The following ASTN2 variants were observed in gnomAD, a reference collection of about 807,000 sequenced individuals.
ASTN2 encodes the protein astrotactin 2.
Under a neutral mutation model 139.8 loss-of-function variants are expected in ASTN2, and 54 were observed. The ratio of observed to expected loss-of-function variants is 0.39; its 90% CI spans 0.31 to 0.48. The LOEUF is 0.48. Among genes scored for constraint, ASTN2 ranks in the 20% least tolerant of loss-of-function variants. ASTN2 has a pLI of 0.95. For missense variants in ASTN2, 1,565 were observed against 1,725.1 expected, an observed-to-expected ratio of 0.91 and a Z score of 1.64; for synonymous variants, 756 against 719.5, an observed-to-expected ratio of 1.05 and a Z score of -0.81.
chr9:117,265,460 C>G (rs1003276750), intron 2 of ASTN2, among the ~76,000 whole-genome samples: 2 of 152,164 alleles, frequency 1.3e-5, no homozygotes, highest in Non-Finnish European at 2.9e-5. Context: ...GGGTACCGAG[C>G]TGCCAAAGAA....
chr9:116,741,899 C>T (rs1189801336), intron 13 of ASTN2, among the ~76,000 whole-genome samples: 3 of 152,168 alleles, frequency 2.0e-5, no homozygotes, highest in Non-Finnish European at 4.4e-5. Context: ...GTCAAGCACT[C>T]AATATTTAGT....
At chr9:116,499,553 C>A (rs1411606491) in intron 19 of ASTN2, among the ~76,000 whole-genome samples, 1 of 152,138 alleles carries the variant, frequency 6.6e-6, no homozygotes, top group African/African-American at 2.4e-5. Context: ...CCTGTAATTA[C>A]ATATGTAGTT....
intron 12 of ASTN2, among the ~76,000 whole-genome samples, chr9:116,819,579 A>T (rs2416574): frequency 0.73 from 110,483 of 152,020 alleles, 40,319 homozygotes; most frequent in Middle Eastern, 0.86. Context: ...AATTAAACCC[A>T]TGCCCACACT....
chr9:117,257,396 C>T (rs1305962032), intron 2 of ASTN2, among the ~76,000 whole-genome samples: 1 of 152,150 alleles, frequency 6.6e-6, no homozygotes, highest in African/African-American at 2.4e-5. Flanking sequence ...ACTGTGAACA[C>T]AGATTTTAGG....
At chr9:116,804,220 T>C (rs1830972292) in intron 13 of ASTN2, among the ~76,000 whole-genome samples, 1 of 152,126 alleles carries the variant, frequency 6.6e-6, no homozygotes, top group African/African-American at 2.4e-5. Context: ...TATGCTGAAT[T>C]GAAATACAAG....
intron 1 of ASTN2, among the ~76,000 whole-genome samples, chr9:117,318,024 A>T (rs1054811075): frequency 1.3e-5 from 2 of 152,224 alleles, no homozygotes; most frequent in Non-Finnish European, 2.9e-5. Flanking sequence ...TTTGGAGCTC[A>T]TCCTTCTTTC....
chr9:117,391,248 G>C (rs1564180746), intron 1 of ASTN2, among the ~76,000 whole-genome samples: 1 of 152,104 alleles, frequency 6.6e-6, no homozygotes, highest in African/African-American at 2.4e-5. Context: ...AAGCACAATG[G>C]GAAGTCATCA....
intron 6 of ASTN2, among the ~76,000 whole-genome samples, chr9:117,020,002 CTGTGTGTGTGTGTGTGTG>C (rs57575432): frequency 7.1e-5 from 10 of 140,816 alleles, no homozygotes; most frequent in African/African-American, 2.4e-4. Flanking sequence ...TTCAGGGTTT[CTGTGTGTGTGTGTGTGTG>C]TGTGTGTGTG....
At chr9:116,783,493 G>A (rs1035879030) in intron 13 of ASTN2, among the ~76,000 whole-genome samples, 1 of 152,096 alleles carries the variant, frequency 6.6e-6, no homozygotes, top group African/African-American at 2.4e-5. Flanking sequence ...GAAACAATTA[G>A]CATGTAGTGA....
intron 10 of ASTN2, among the ~76,000 whole-genome samples, chr9:116,953,650 A>G (rs1228153331): frequency 6.6e-6 from 1 of 152,124 alleles, no homozygotes; most frequent in East Asian, 1.9e-4. Context: ...TTGTTTTTTT[A>G]ACAACAACAA....
chr9:116,750,126 T>C (rs1005235146), intron 13 of ASTN2, among the ~76,000 whole-genome samples: 1 of 152,144 alleles, frequency 6.6e-6, no homozygotes, highest in African/African-American at 2.4e-5. Context: ...CGAAAATGTT[T>C]GTAGATGAGC....
At chr9:116,504,358 G>GGAC (rs1487307673) in intron 19 of ASTN2, 1 of 152,078 alleles carries the variant, frequency 6.6e-6, no homozygotes, top group Non-Finnish European at 1.5e-5. Flanking sequence ...AGGGCAAAGA[G>GGAC]GACGGTAAGG....
chr9:117,239,327 C>T (rs1238296773), intron 2 of ASTN2, among the ~76,000 whole-genome samples: 5 of 152,142 alleles, frequency 3.3e-5, no homozygotes, highest in African/African-American at 1.2e-4. Flanking sequence ...CAGAGGATTA[C>T]AAGTTGGGGA....
intron 4 of ASTN2, among the ~76,000 whole-genome samples, chr9:117,134,613 T>A (rs1829908461): frequency 6.6e-6 from 1 of 152,072 alleles, no homozygotes. Context: ...TATTTGCATA[T>A]TTTCTTTATT....
intron 16 of ASTN2, among the ~76,000 whole-genome samples, chr9:116,718,170 G>A (rs994393235): frequency 7.2e-5 from 11 of 152,168 alleles, no homozygotes; most frequent in African/African-American, 2.7e-4. Context: ...GGTTTTCTGA[G>A]AAAGTGACAT....
chr9:117,171,672 C>G (rs542873125), intron 3 of ASTN2, among the ~76,000 whole-genome samples: 3 of 152,106 alleles, frequency 2.0e-5, no homozygotes, highest in African/African-American at 7.2e-5. Flanking sequence ...GGGCTCTTCC[C>G]CCTTTGCTCC....
chr9:116,652,274 T>C (rs1053284321), intron 16 of ASTN2, among the ~76,000 whole-genome samples: 4 of 152,098 alleles, frequency 2.6e-5, no homozygotes, highest in Admixed American at 1.3e-4. Flanking sequence ...TGCAGTGAGC[T>C]GAGATTGTGC....
At chr9:116,817,071 G>C (rs1306917060) in intron 12 of ASTN2, among the ~76,000 whole-genome samples, 1 of 152,028 alleles carries the variant, frequency 6.6e-6, no homozygotes, top group African/African-American at 2.4e-5. Context: ...GAGGTGGGCA[G>C]ATCATGAGGT....
intron 3 of ASTN2, among the ~76,000 whole-genome samples, chr9:117,177,969 C>T (rs1830960052): frequency 6.6e-6 from 1 of 152,128 alleles, no homozygotes; most frequent in Non-Finnish European, 1.5e-5. Flanking sequence ...AACTCCAAGG[C>T]CCCGTGTGAT....
Sources: gnomAD v4.1 joint callset for allele counts (sites outside exome capture counted in the v4.1 genomes callset) on GRCh38, gnomAD v4.1.1 for gene constraint, MANE v1.5 for transcripts, NCBI Gene and HGNC (gene_info 2026-07-23, HGNC 2026-07-21) for gene names.